LDLRAD4: variants seen among roughly 807,000 people sequenced by gnomAD.
LDLRAD4 encodes low density lipoprotein receptor class A domain containing 4.
A neutral mutation model predicts 17.0 loss-of-function variants in LDLRAD4; 5 were observed. The ratio of observed to expected loss-of-function variants is 0.29; its 90% CI spans 0.15 to 0.62. The LOEUF (loss-of-function observed/expected upper bound fraction) is 0.62. LDLRAD4 is among the 20% of genes least tolerant of loss of function. The pLI is 0.84. For synonymous variants in LDLRAD4, 168 were observed against 171.8 expected, an observed-to-expected ratio of 0.98 and a Z score of 0.17; for missense variants, 340 against 424.7, an observed-to-expected ratio of 0.80 and a Z score of 1.75.
At chr18:13,279,834 T>A (rs1300581987) in intron 1 of LDLRAD4, 2 of 152,272 alleles carry the variant, frequency 1.3e-5, no homozygotes, top group Non-Finnish European at 2.9e-5. Flanking sequence ...AGCACAGACT[T>A]AGATTGCGAG....
chr18:13,572,889 G>A (rs1055077284), intron 3 of LDLRAD4, among the ~76,000 whole-genome samples: 9 of 152,334 alleles, frequency 5.9e-5, no homozygotes, highest in African/African-American at 1.2e-4. Context: ...TAGCAGCAGC[G>A]CAGAGGGCAC....
intron 2 of LDLRAD4, among the ~76,000 whole-genome samples, chr18:13,400,576 GAA>G (rs1298052955): frequency 6.6e-6 from 1 of 152,222 alleles, no homozygotes; most frequent in Non-Finnish European, 1.5e-5. Context: ...AGGAGACGGT[GAA>G]AAGAGTGTTT....
upstream of LDLRAD4, among the ~76,000 whole-genome samples, chr18:13,275,768 GAATAAAAAAA>G (rs1274027729): frequency 1.9e-5 from 2 of 106,896 alleles, no homozygotes; most frequent in African/African-American, 6.2e-5. Flanking sequence ...CAAAAATTAA[GAATAAAAAAA>G]ATGTTAAAGG....
intron 2 of LDLRAD4, chr18:13,420,604 A>G (rs535569033): frequency 1.3e-5 from 2 of 152,344 alleles, no homozygotes; most frequent in East Asian, 3.9e-4. Flanking sequence ...TTTATTTTGT[A>G]GTGGAATCAG....
intron 1 of LDLRAD4, among the ~76,000 whole-genome samples, chr18:13,347,219 C>T (rs1173388728): frequency 6.6e-6 from 1 of 152,162 alleles, no homozygotes; most frequent in Non-Finnish European, 1.5e-5. Flanking sequence ...CTGGTTGTTC[C>T]TTTCCATGTT....
At chr18:13,270,108 A>G (rs147195511) in intron 1 of LDLRAD4, among the ~76,000 whole-genome samples, 1,610 of 152,252 alleles carry the variant, frequency 0.011, 10 homozygotes, top group Non-Finnish European at 0.017. Flanking sequence ...CACATCTGAC[A>G]TCTTAGCACT....
intron 2 of LDLRAD4, among the ~76,000 whole-genome samples, chr18:13,407,648 C>A (rs796087873): frequency 9.8e-5 from 15 of 152,332 alleles, no homozygotes; most frequent in African/African-American, 3.6e-4. Flanking sequence ...GATGGCCATT[C>A]GGAGCTCAGA....
At chr18:13,254,505 G>A (rs924727312) in intron 1 of LDLRAD4, among the ~76,000 whole-genome samples, 3 of 152,158 alleles carry the variant, frequency 2.0e-5, no homozygotes, top group Non-Finnish European at 4.4e-5. Flanking sequence ...AGCTGACCAT[G>A]GGCATAGCTG....
intron 4 of LDLRAD4, among the ~76,000 whole-genome samples, chr18:13,626,805 G>A (rs1568426449): frequency 6.6e-6 from 1 of 152,198 alleles, no homozygotes; most frequent in Non-Finnish European, 1.5e-5. Flanking sequence ...AGCACTTGGT[G>A]GCTGTCAGCC....
chr18:13,489,721 C>T (rs1437703023), intron 3 of LDLRAD4: 1 of 152,192 alleles, frequency 6.6e-6, no homozygotes, highest in Non-Finnish European at 1.5e-5. Context: ...TTATTCCTGT[C>T]ACAGAATCGT....
chr18:13,428,726 A>G (rs1218080785), intron 2 of LDLRAD4, among the ~76,000 whole-genome samples: 1 of 151,884 alleles, frequency 6.6e-6, no homozygotes, highest in Non-Finnish European at 1.5e-5. Flanking sequence ...GAGTGTGTGG[A>G]TGGGTTGGGA....
upstream of LDLRAD4, among the ~76,000 whole-genome samples, chr18:13,275,861 G>A (rs1041595412): frequency 3.3e-5 from 5 of 152,188 alleles, no homozygotes; most frequent in African/African-American, 9.7e-5. Flanking sequence ...TTGCCCACAA[G>A]GAGCTAAAAG....
chr18:13,603,884 G>T (rs9961624), intron 3 of LDLRAD4, among the ~76,000 whole-genome samples: 3,927 of 152,316 alleles, frequency 0.026, 161 homozygotes, highest in African/African-American at 0.084. Flanking sequence ...AGTGCATCGT[G>T]GTGGCCGGCA....
At chr18:13,421,695 G>GC (rs967787657) in intron 2 of LDLRAD4, among the ~76,000 whole-genome samples, 10 of 152,110 alleles carry the variant, frequency 6.6e-5, no homozygotes, top group Admixed American at 6.5e-5. Flanking sequence ...AGTTCCCCCT[G>GC]CCCCCCACCC....
At chr18:13,409,500 G>A (rs1164986727) in intron 2 of LDLRAD4, among the ~76,000 whole-genome samples, 1 of 152,234 alleles carries the variant, frequency 6.6e-6, no homozygotes, top group Non-Finnish European at 1.5e-5. Flanking sequence ...AGATAGGTCA[G>A]ACTATTAACC....
chr18:13,277,474 G>A (rs1176006902), upstream of LDLRAD4, among the ~76,000 whole-genome samples: 4 of 152,248 alleles, frequency 2.6e-5, no homozygotes, highest in African/African-American at 9.6e-5. Context: ...GCCAGTGACA[G>A]GTTGTATGGA....
intron 2 of LDLRAD4, among the ~76,000 whole-genome samples, chr18:13,413,609 C>T (rs1217572688): frequency 3.9e-5 from 6 of 152,292 alleles, no homozygotes; most frequent in East Asian, 1.9e-4. Flanking sequence ...CAATTGAGTA[C>T]GGAAATTATG....
chr18:13,296,488 T>C (rs1173096973), intron 1 of LDLRAD4, among the ~76,000 whole-genome samples: 1 of 152,030 alleles, frequency 6.6e-6, no homozygotes, highest in African/African-American at 2.4e-5. Context: ...TGTGGCCTCT[T>C]CTCTGGGCAC....
At chr18:13,570,158 G>A (rs915857607) in intron 3 of LDLRAD4, among the ~76,000 whole-genome samples, 1 of 152,180 alleles carries the variant, frequency 6.6e-6, no homozygotes, top group South Asian at 2.1e-4. Context: ...AGAAGGTGAC[G>A]TTTTCACTTG....
Sources: allele counts gnomAD v4.1 joint callset (sites outside exome capture counted in the v4.1 genomes callset), GRCh38; gene constraint gnomAD v4.1.1; transcripts MANE v1.5; gene names NCBI Gene and HGNC (gene_info 2026-07-23, HGNC 2026-07-21).